Variants in SMURF1 observed in about 807,000 individuals in gnomAD.
SMURF1 encodes the protein SMAD specific E3 ubiquitin protein ligase 1, also known as E3 ubiquitin-protein ligase SMURF1.
Under a neutral mutation model 98.0 loss-of-function variants are expected in SMURF1, and 44 were observed. The ratio of observed to expected loss-of-function variants is 0.45; its 90% confidence interval spans 0.35 to 0.58. The LOEUF (loss-of-function observed/expected upper bound fraction) is 0.58. SMURF1 is among the 20% of genes least tolerant of loss of function. The pLI, the probability that SMURF1 is intolerant of heterozygous loss-of-function variation, is 0.00. For missense variants in SMURF1, 687 were observed against 938.4 expected, an observed-to-expected ratio of 0.73 and a Z score of 3.50; for synonymous variants, 396 against 374.9, an observed-to-expected ratio of 1.06 and a Z score of -0.65.
intron 1 of SMURF1, among the ~76,000 whole-genome samples, chr7:99,094,095 G>A (rs977090269): frequency 6.6e-6 from 1 of 152,044 alleles, no homozygotes; most frequent in African/African-American, 2.4e-5. Context: ...TCCGCTAATT[G>A]TTACCTAAAA....
intron 1 of SMURF1, among the ~76,000 whole-genome samples, chr7:99,085,329 G>C (rs1246651946): frequency 6.7e-6 from 1 of 148,902 alleles, no homozygotes; most frequent in Non-Finnish European, 1.5e-5. Flanking sequence ...CTCCAGCCTG[G>C]GTGACAAGAG....
Position 99,143,533 on chromosome 7 carries a change from CAGGGGGCGGGGCCGGGCAACGGCG to C in SMURF1, c.55+169_55+192del, listed in dbSNP as rs1305545170. On this transcript the variant is annotated intron_variant, in intron 1 of 17. Coordinates refer to ENST00000361368, the MANE Select transcript of SMURF1 (RefSeq NM_181349.3). ...GCGAGACCGAGGGGGCGCGAGCGGC[CAGGGGGCGGGGCCGGGCAACGGCG>C]AGGGGGCGGGGCCAGGAGGGAGAAG... is the stretch of plus-strand genomic sequence containing the variant. Among the ~76,000 whole-genome samples, 49 of 31,876 alleles carry C rather than the reference CAGGGGGCGGGGCCGGGCAACGGCG, an allele frequency of 1.5e-3. 1 individual carries two copies. The highest frequency in any genetic ancestry group is 4.6e-3 in the African/African-American group (38 of 8,186). 20.9% of individuals were successfully genotyped at this position (31,876 alleles called of 152,430 possible).
chr7:99,089,481 A>C (rs1796763686), intron 1 of SMURF1, among the ~76,000 whole-genome samples: 1 of 151,700 alleles, frequency 6.6e-6, no homozygotes, highest in South Asian at 2.1e-4. Context: ...TCTACAAAAA[A>C]AATACAAAAA....
chr7:99,107,085 C>T (rs928428999), intron 1 of SMURF1, among the ~76,000 whole-genome samples: 3 of 152,204 alleles, frequency 2.0e-5, no homozygotes, highest in African/African-American at 7.2e-5. Flanking sequence ...ACAAAGATGA[C>T]TCACTGCCCT....
intron 1 of SMURF1, among the ~76,000 whole-genome samples, chr7:99,078,481 C>A (rs189387215): frequency 1.3e-5 from 2 of 152,200 alleles, no homozygotes; most frequent in African/African-American, 2.4e-5. Flanking sequence ...AAAAGGAATC[C>A]TTAAAACAGG....
rs1796090236 is a variant in SMURF1 at position 99,063,251 on chromosome 7, A to ATATATATATATATAAGATT, written c.56-1415_56-1414insAATCTTATATATATATATA. ...ATATATAAGATTTATTTATATATAT[A>ATATATATATATATAAGATT]TATATATATATATATATATATATAT... On this transcript the variant is annotated intron_variant, in intron 1 of 17. Transcript: ENST00000361368. Among the ~76,000 whole-genome samples the ATATATATATATATAAGATT allele has an allele frequency of 6.9e-4, 2 of 2,900 alleles. 1 individual carries two copies. Among genetic ancestry groups the ATATATATATATATAAGATT allele is most frequent in the Non-Finnish European group, 1.7e-3 (2 of 1,210 alleles). The allele number at this position is 2,900 out of a possible 152,430, so 1.9% of individuals were successfully genotyped here. A position where few individuals can be genotyped will look rare whatever the true frequency, so the allele number is the denominator to read the frequency against.
At chr7:99,040,284 T>C in intron 13 of SMURF1, 94 bp downstream of exon 13, 1 of 1,251,448 alleles carries the variant, frequency 8.0e-7, no homozygotes, top group Non-Finnish European at 1.0e-6. Context: ...ATCCCCAAAA[T>C]ACACACACAC....
At chr7:99,038,629 C>T in intron 13 of SMURF1, 104 bp from the exon 14 acceptor site, 1 of 1,403,882 alleles carries the variant, frequency 7.1e-7, no homozygotes, top group Non-Finnish European at 9.7e-7. Flanking sequence ...GGCTGCAAGA[C>T]AGGACAGCCT....
rs1445665958 is a variant in SMURF1, at chr7:99,143,673, C to G, written c.55+53G>C. ...TTCCAAGGGCGCCCTGCGGGGAATT[C>G]CGGGGCGGGCGAGGGGGCGCCGGGG... is the stretch of plus-strand genomic sequence containing the variant. On this transcript the variant is annotated intron_variant, in intron 1 of 17. Transcript: ENST00000361368. 3 of 1,482,298 alleles carry G rather than the reference C, an allele frequency of 2.0e-6. No homozygotes were observed. In the African/African-American group the frequency reaches 4.4e-5, roughly 22 times the overall value. The allele number at this position is 1,482,298 out of a possible 1,614,324, so 91.8% of individuals were successfully genotyped here.
At chr7:99,066,557 C>T (rs143241329) in intron 1 of SMURF1, among the ~76,000 whole-genome samples, 126 of 152,090 alleles carry the variant, frequency 8.3e-4, no homozygotes, top group African/African-American at 2.9e-3. Flanking sequence ...CAGGTGGGAT[C>T]GCTTGAGCTC....
chr7:99,128,817 C>A (rs1363007270), intron 1 of SMURF1, among the ~76,000 whole-genome samples: 1 of 152,190 alleles, frequency 6.6e-6, no homozygotes, highest in South Asian at 2.1e-4. Context: ...CAAGCAATAG[C>A]AACGATGTCC....
At chr7:99,142,886 C>A (rs1052995478) in intron 1 of SMURF1, among the ~76,000 whole-genome samples, 3 of 128,114 alleles carry the variant, frequency 2.3e-5, no homozygotes, top group Non-Finnish European at 4.8e-5. Flanking sequence ...GAGGGAAAAG[C>A]GAGGGGGCAG....
At position 99,057,251 on chromosome 7, in the gene SMURF1, G is replaced by C; in HGVS notation, c.357C>G (p.Cys119Trp). 1 of 1,614,086 alleles carries C rather than the reference G, an allele frequency of 6.2e-7. No individual in the cohort carries two copies. The highest frequency in any genetic ancestry group is 1.1e-5 in the South Asian group (1 of 91,062). Residue 119 changes from cysteine to tryptophan, a missense_variant, in exon 5 of 18, where the codon TGC (cysteine) becomes TGG (tryptophan). This residue lies in a region of SMURF1 where 415 missense variants were observed against 508.4 expected (regional missense o/e 0.82). Coordinates refer to ENST00000361368, the MANE Select transcript of SMURF1 (RefSeq NM_181349.3). ...KDTGYQRLDL[C>W]KLNPSDTDAV... ...CATCAGTATCTGAGGGGTTTAGTTT[G>C]CATAGATCCAAACGCTGGTCTGTAA...
intron 1 of SMURF1, among the ~76,000 whole-genome samples, chr7:99,082,251 T>C (rs1417948211): frequency 6.6e-6 from 1 of 152,186 alleles, no homozygotes; most frequent in Non-Finnish European, 1.5e-5. Context: ...TCTTCAAGAG[T>C]CCTTTGAAGC....
chr7:99,130,511 C>A (rs993493892), intron 1 of SMURF1, among the ~76,000 whole-genome samples: 1 of 152,096 alleles, frequency 6.6e-6, no homozygotes, highest in African/African-American at 2.4e-5. Context: ...GAACATTCTG[C>A]AATACAAATT....
chr7:99,052,517 G>A, intron 6 of SMURF1, 71 bp from the exon 7 acceptor site: 2 of 1,431,386 alleles, frequency 1.4e-6, no homozygotes, highest in Non-Finnish European at 1.8e-6. Flanking sequence ...CTTAGGGCTA[G>A]TGTCCTAGGG....
intron 1 of SMURF1, among the ~76,000 whole-genome samples, chr7:99,127,264 C>T (rs529766331): frequency 6.6e-6 from 1 of 152,088 alleles, no homozygotes; most frequent in Non-Finnish European, 1.5e-5. Context: ...ATCCCTGATC[C>T]GTATGTGCAA....
At chr7:99,033,364 G>A (rs781336212) in intron 16 of SMURF1, among the ~76,000 whole-genome samples, 1 of 152,220 alleles carries the variant, frequency 6.6e-6, no homozygotes, top group Non-Finnish European at 1.5e-5. Flanking sequence ...AGGCTGGAGT[G>A]CAGTGGGGCA....
At chr7:99,133,558 G>A (rs1797921408) in intron 1 of SMURF1, among the ~76,000 whole-genome samples, 1 of 151,126 alleles carries the variant, frequency 6.6e-6, no homozygotes, top group South Asian at 2.1e-4. Flanking sequence ...CGCCACTGGT[G>A]GAAAATGTAA....
Sources: allele counts gnomAD v4.1 joint callset (sites outside exome capture counted in the v4.1 genomes callset), GRCh38; gene constraint gnomAD v4.1.1; regional missense constraint gnomAD v4.1.1; transcripts MANE v1.5; gene names NCBI Gene and HGNC (gene_info 2026-07-23, HGNC 2026-07-21).